Variants in CNTNAP2 observed in about 807,000 individuals in gnomAD.
CNTNAP2 encodes the protein contactin associated protein 2.
CNTNAP2 carries 98 observed loss-of-function variants against 155.2 expected under a neutral mutation model. The observed-to-expected ratio is 0.63, with a 90% CI of 0.54 to 0.75. CNTNAP2 has a LOEUF of 0.75. CNTNAP2 is among the 30% of genes least tolerant of loss of function. The pLI is 0.00. For missense variants in CNTNAP2, 1,727 were observed against 1,688.1 expected (o/e 1.02, Z -0.40); for synonymous variants, 651 against 631.2 (o/e 1.03, Z -0.47).
At chr7:147,319,922 ATT>A (rs1795316706) in intron 9 of CNTNAP2, among the ~76,000 whole-genome samples, 1 of 152,190 alleles carries the variant, frequency 6.6e-6, no homozygotes, top group African/African-American at 2.4e-5. Flanking sequence ...TATAGTAAAT[ATT>A]TTAAGCTTTT....
intron 10 of CNTNAP2, among the ~76,000 whole-genome samples, chr7:147,460,185 C>T (rs974802350): frequency 1.4e-4 from 21 of 152,060 alleles, no homozygotes; most frequent in African/African-American, 4.8e-4. Context: ...CCACAGAGAG[C>T]GGCCAGGACC....
At chr7:146,782,417 G>A (rs554036652) in intron 2 of CNTNAP2, among the ~76,000 whole-genome samples, 5 of 152,180 alleles carry the variant, frequency 3.3e-5, no homozygotes, top group East Asian at 3.9e-4. Flanking sequence ...TGATTTTGTC[G>A]GCTCTGAGGC....
intron 1 of CNTNAP2, among the ~76,000 whole-genome samples, chr7:146,222,029 G>T (rs1160098071): frequency 1.3e-5 from 2 of 152,172 alleles, no homozygotes; most frequent in African/African-American, 4.8e-5. Context: ...AAGGAAGAAG[G>T]TTTGTTACAG....
chr7:147,075,216 TTGTG>T (rs968169275), intron 4 of CNTNAP2, among the ~76,000 whole-genome samples: 3 of 152,172 alleles, frequency 2.0e-5, no homozygotes, highest in Admixed American at 1.3e-4. Flanking sequence ...TGTTTGTACT[TTGTG>T]TGGGTAAACA....
At chr7:146,680,068 G>A (rs1800474634) in intron 1 of CNTNAP2, among the ~76,000 whole-genome samples, 1 of 152,112 alleles carries the variant, frequency 6.6e-6, no homozygotes, top group Admixed American at 6.5e-5. Flanking sequence ...CTTCTAAAAT[G>A]TAGCGGATTT....
At chr7:146,371,607 C>T (rs1193490566) in intron 1 of CNTNAP2, among the ~76,000 whole-genome samples, 5 of 151,664 alleles carry the variant, frequency 3.3e-5, no homozygotes, top group South Asian at 4.2e-4. Flanking sequence ...CCTTGTGATC[C>T]GCCCACCTCG....
chr7:148,077,221 C>T (rs1020780893), intron 15 of CNTNAP2, among the ~76,000 whole-genome samples: 2 of 151,706 alleles, frequency 1.3e-5, no homozygotes, highest in Non-Finnish European at 2.9e-5. Context: ...GCAGGAGAAT[C>T]GCTTGAACCT....
intron 2 of CNTNAP2, among the ~76,000 whole-genome samples, chr7:146,807,216 AT>A (rs1802984123): frequency 1.3e-5 from 2 of 152,186 alleles, no homozygotes; most frequent in Non-Finnish European, 1.5e-5. Context: ...TATTTTTAAA[AT>A]TTTTGTACAT....
chr7:146,825,175 C>T (rs1803376670), intron 2 of CNTNAP2, among the ~76,000 whole-genome samples: 2 of 152,204 alleles, frequency 1.3e-5, no homozygotes, highest in South Asian at 2.1e-4. Flanking sequence ...TATCAAAACA[C>T]ACCCACAATG....
chr7:146,208,038 T>A (rs116036286), intron 1 of CNTNAP2, among the ~76,000 whole-genome samples: 1,924 of 152,206 alleles, frequency 0.013, 26 homozygotes, highest in African/African-American at 0.043. Flanking sequence ...TAGAAACAGT[T>A]ACCACAATTC....
At position 147,189,990 on chromosome 7, in the gene CNTNAP2, C is replaced by T. The variant is rs183586593; in HGVS notation, c.1348+57481C>T. On this transcript the variant is annotated intron_variant, in intron 8 of 23. Transcript: ENST00000361727. ...CCATCTCTTGACCTCGTGATCCACCCGCCTCGGCCTCCCAAAGAGCTAGGA... is the reference window on the plus strand; with the variant it reads ...CCATCTCTTGACCTCGTGATCCACCTGCCTCGGCCTCCCAAAGAGCTAGGA... Among the ~76,000 whole-genome samples the T allele has an allele frequency of 1.5e-3, 224 of 152,218 alleles. 1 individual carries two copies. Among genetic ancestry groups the T allele is most frequent in the African/African-American group, 4.6e-3 (190 of 41,524 alleles).
At chr7:147,396,109 C>A in intron 10 of CNTNAP2, among the ~76,000 whole-genome samples, 1 of 144,806 alleles carries the variant, frequency 6.9e-6, no homozygotes, top group African/African-American at 2.5e-5. Context: ...GTATATATAG[C>A]ATATATGAGA....
chr7:146,464,533 A>T (rs1796688364), intron 1 of CNTNAP2, among the ~76,000 whole-genome samples: 1 of 151,730 alleles, frequency 6.6e-6, no homozygotes, highest in Admixed American at 6.6e-5. Flanking sequence ...GATGGGAAAG[A>T]TACTTTTTGA....
intron 1 of CNTNAP2, among the ~76,000 whole-genome samples, chr7:146,767,792 A>C (rs983472509): frequency 6.6e-6 from 1 of 152,172 alleles, no homozygotes; most frequent in African/African-American, 2.4e-5. Context: ...AAAATCTAGA[A>C]CGACTGGGTC....
chr7:147,267,185 GC>G (rs1439407315), intron 8 of CNTNAP2, among the ~76,000 whole-genome samples: 3 of 152,160 alleles, frequency 2.0e-5, no homozygotes, highest in African/African-American at 7.2e-5. Context: ...CAAATTAAAT[GC>G]TTTTGGTATT....
At chr7:146,986,728 T>C (rs1798121102) in intron 3 of CNTNAP2, among the ~76,000 whole-genome samples, 1 of 152,086 alleles carries the variant, frequency 6.6e-6, no homozygotes, top group Non-Finnish European at 1.5e-5. Flanking sequence ...GCTTTGTGGT[T>C]TTGATTTGCG....
intron 18 of CNTNAP2, among the ~76,000 whole-genome samples, chr7:148,184,387 A>T (rs1585174034): frequency 6.6e-6 from 1 of 152,346 alleles, no homozygotes; most frequent in East Asian, 1.9e-4. Context: ...ATTTTATTTT[A>T]GTATTCTGAA....
At chr7:147,510,943 G>T (rs944328053) in intron 11 of CNTNAP2, among the ~76,000 whole-genome samples, 1 of 146,012 alleles carries the variant, frequency 6.8e-6, no homozygotes, top group Non-Finnish European at 1.5e-5. Context: ...CAATCCAACA[G>T]TTCTATGTCT....
At chr7:147,501,064 A>G (rs1233977491) in intron 11 of CNTNAP2, among the ~76,000 whole-genome samples, 1 of 152,156 alleles carries the variant, frequency 6.6e-6, no homozygotes, top group African/African-American at 2.4e-5. Flanking sequence ...CCTGGATGCA[A>G]GGATGGTTTG....
Sources: gnomAD v4.1 joint callset for allele counts (sites outside exome capture counted in the v4.1 genomes callset) on GRCh38, gnomAD v4.1.1 for gene constraint, MANE v1.5 for transcripts, NCBI Gene and HGNC (gene_info 2026-07-23, HGNC 2026-07-21) for gene names.